SOX6: variants seen among roughly 807,000 people sequenced by gnomAD.
SOX6 encodes SRY-box transcription factor 6.
SOX6 carries 11 observed loss-of-function variants against 97.8 expected under a neutral mutation model. The ratio of observed to expected loss-of-function variants is 0.11; its 90% CI spans 0.07 to 0.19. SOX6 has a LOEUF of 0.19. Ranked by LOEUF, SOX6 falls within the 10% of genes least tolerant of loss-of-function variation. The probability of loss-of-function intolerance (pLI) is 1.00; values close to 1 mark genes in which losing one functional copy is unlikely to be tolerated. For synonymous variants in SOX6, 360 were observed against 371.4 expected (o/e 0.97, Z 0.35); for missense variants, 810 against 1,039.5 (o/e 0.78, Z 3.04).
intron 13 of SOX6, among the ~76,000 whole-genome samples, chr11:15,999,614 T>G (rs1854338347): frequency 6.6e-6 from 1 of 152,140 alleles, no homozygotes; most frequent in African/African-American, 2.4e-5. Flanking sequence ...TTTGAAAGGT[T>G]CTTTTTTCTG....
At chr11:16,672,902 A>C (rs1221593900) in intron 3 of SOX6, among the ~76,000 whole-genome samples, 1 of 152,250 alleles carries the variant, frequency 6.6e-6, no homozygotes, top group Non-Finnish European at 1.5e-5. Context: ...AATAGATTTT[A>C]AACCAACAAA....
At chr11:16,216,054 T>C (rs188303006) in intron 4 of SOX6, among the ~76,000 whole-genome samples, 128 of 152,274 alleles carry the variant, frequency 8.4e-4, no homozygotes, top group Non-Finnish European at 1.6e-3. Context: ...TGAACAAAAT[T>C]ATGTCATTGT....
intron 15 of SOX6, among the ~76,000 whole-genome samples, chr11:15,974,378 C>CTTTTTT (rs35597667): frequency 0.012 from 1,021 of 85,590 alleles, no homozygotes; most frequent in African/African-American, 0.017. Context: ...TTAGCTCTCT[C>CTTTTTT]TTTTTTTTTT....
intron 1 of SOX6, among the ~76,000 whole-genome samples, chr11:16,390,269 C>G (rs1027156352): frequency 1.3e-5 from 2 of 150,932 alleles, no homozygotes; most frequent in African/African-American, 4.9e-5. Context: ...AAAAATGCTG[C>G]TTTTTTTGCA....
chr11:16,000,927 G>T (rs919061652), intron 13 of SOX6, among the ~76,000 whole-genome samples: 3 of 152,042 alleles, frequency 2.0e-5, no homozygotes, highest in African/African-American at 7.3e-5. Flanking sequence ...GGTGATCCTG[G>T]CTTACTGCAA....
intron 3 of SOX6, among the ~76,000 whole-genome samples, chr11:16,706,733 C>G (rs1251737678): frequency 1.3e-5 from 2 of 150,464 alleles, no homozygotes. Flanking sequence ...ATTTGAGACC[C>G]TGTACATTTT....
chr11:16,492,258 G>A (rs1051166589), intron 4 of SOX6, among the ~76,000 whole-genome samples: 1 of 152,178 alleles, frequency 6.6e-6, no homozygotes, highest in African/African-American at 2.4e-5. Flanking sequence ...GATGCCATTG[G>A]TGCTGCTACT....
At chr11:16,486,975 G>A (rs1860446142) in intron 4 of SOX6, among the ~76,000 whole-genome samples, 1 of 152,062 alleles carries the variant, frequency 6.6e-6, no homozygotes, top group Non-Finnish European at 1.5e-5. Flanking sequence ...ATGATACTGA[G>A]AATTGGCCCA....
intron 6 of SOX6, among the ~76,000 whole-genome samples, chr11:16,177,228 A>G (rs1300287986): frequency 2.6e-5 from 4 of 151,920 alleles, no homozygotes; most frequent in Non-Finnish European, 5.9e-5. Flanking sequence ...ATGGATAGCT[A>G]CCTATTCTCC....
intron 2 of SOX6, among the ~76,000 whole-genome samples, chr11:16,325,575 A>G (rs10832592): frequency 0.39 from 59,607 of 151,908 alleles, 12,414 homozygotes; most frequent in East Asian, 0.48. Context: ...ATGTCGAGAG[A>G]GTCAGTATAT....
chr11:16,281,420 A>G (rs1472768978), intron 3 of SOX6, among the ~76,000 whole-genome samples: 1 of 152,058 alleles, frequency 6.6e-6, no homozygotes, highest in Non-Finnish European at 1.5e-5. Context: ...TTTTTCCCAC[A>G]AGATAGAGCA....
At chr11:16,322,883 T>C (rs1034516904) in intron 2 of SOX6, among the ~76,000 whole-genome samples, 4 of 152,234 alleles carry the variant, frequency 2.6e-5, no homozygotes, top group African/African-American at 9.6e-5. Context: ...TGGTTGTGAT[T>C]CTTCAAAATA....
intron 3 of SOX6, among the ~76,000 whole-genome samples, chr11:16,702,672 T>C (rs1848103630): frequency 1.3e-5 from 2 of 152,072 alleles, no homozygotes; most frequent in South Asian, 2.1e-4. Context: ...TATCCTCTCA[T>C]TCCCTTTAGC....
chr11:16,036,617 C>G (rs1855526556), intron 12 of SOX6, among the ~76,000 whole-genome samples: 1 of 152,016 alleles, frequency 6.6e-6, no homozygotes. Context: ...ACATTAGATC[C>G]CGAATTCCCA....
Position 16,093,904 on chromosome 11 carries a change from C to T in SOX6, c.1101+2092G>A, listed in dbSNP as rs1383663787. The stretch of plus-strand genomic sequence containing the variant: ...TGTCTACTATGCTATTCACAGATGT[C>T]CCAATAAACATGCTATACTCATACT... On this transcript the variant is annotated intron_variant, in intron 9 of 15. Coordinates refer to ENST00000683767, the MANE Select transcript of SOX6 (RefSeq NM_001367873.1). Among the ~76,000 whole-genome samples, 6 of 151,970 alleles carry T rather than the reference C, an allele frequency of 3.9e-5. No individual in the cohort carries two copies. In the South Asian group the frequency reaches 6.2e-4, roughly 16 times the overall value.
chr11:16,106,719 C>T (rs1849097284), intron 7 of SOX6, among the ~76,000 whole-genome samples: 1 of 151,778 alleles, frequency 6.6e-6, no homozygotes, highest in Admixed American at 6.6e-5. Context: ...AAAGCACAGG[C>T]ACCAAAGGAA....
chr11:16,433,394 C>T (rs559627651), intron 1 of SOX6, among the ~76,000 whole-genome samples: 5 of 152,008 alleles, frequency 3.3e-5, no homozygotes, highest in African/African-American at 7.2e-5. Context: ...ATATGTAAGA[C>T]GTTGTGCAAG....
intron 4 of SOX6, among the ~76,000 whole-genome samples, chr11:16,231,912 G>A (rs910788153): frequency 6.6e-6 from 1 of 151,648 alleles, no homozygotes; most frequent in Non-Finnish European, 1.5e-5. Context: ...ATTTTGTGGG[G>A]AAAATTAACA....
chr11:16,379,155 A>G (rs1053033500), intron 1 of SOX6, among the ~76,000 whole-genome samples: 11 of 152,156 alleles, frequency 7.2e-5, no homozygotes, highest in African/African-American at 2.7e-4. Context: ...GGTTATGAGT[A>G]AGAAATTTAT....
Sources: allele counts gnomAD v4.1 joint callset (sites outside exome capture counted in the v4.1 genomes callset), GRCh38; gene constraint gnomAD v4.1.1; transcripts MANE v1.5; gene names NCBI Gene and HGNC (gene_info 2026-07-23, HGNC 2026-07-21).